MAML3: variants seen among roughly 807,000 people sequenced by gnomAD.
MAML3 encodes the protein mastermind like transcriptional coactivator 3, also known as mastermind-like protein 3.
Under a neutral mutation model 101.9 loss-of-function variants are expected in MAML3, and 27 were observed. The observed-to-expected ratio is 0.27, with a 90% CI of 0.20 to 0.37. MAML3 has a LOEUF of 0.37. MAML3 is among the 10% of genes least tolerant of loss of function. The probability of loss-of-function intolerance (pLI) is 1.00; values close to 1 mark genes in which losing one functional copy is unlikely to be tolerated. For missense variants in MAML3, 1,316 were observed against 1,444.9 expected (o/e 0.91, Z 1.45); for synonymous variants, 501 against 555.9 (o/e 0.90, Z 1.39).
At chr4:140,009,061 A>G (rs1726504967) in intron 1 of MAML3, among the ~76,000 whole-genome samples, 1 of 152,158 alleles carries the variant, frequency 6.6e-6, no homozygotes, top group Non-Finnish European at 1.5e-5. Flanking sequence ...CGTGACTTTG[A>G]GTTCTTAATA....
intron 2 of MAML3, among the ~76,000 whole-genome samples, chr4:139,873,502 T>C (rs1389554746): frequency 6.6e-6 from 1 of 152,200 alleles, no homozygotes; most frequent in Non-Finnish European, 1.5e-5. Flanking sequence ...TCTCCTGGAG[T>C]GTGGCTGGAC....
intron 2 of MAML3, among the ~76,000 whole-genome samples, chr4:139,786,719 C>T (rs1426429848): frequency 6.6e-6 from 1 of 152,168 alleles, no homozygotes; most frequent in East Asian, 1.9e-4. Context: ...GCTGTGTTCA[C>T]AGCAGGAAGC....
intron 2 of MAML3, among the ~76,000 whole-genome samples, chr4:139,762,710 A>AC (rs1729781294): frequency 6.6e-6 from 1 of 152,142 alleles, no homozygotes; most frequent in Non-Finnish European, 1.5e-5. Flanking sequence ...CCATCGCTAC[A>AC]CTCATGGCCA....
At chr4:140,145,422 A>C (rs1227859216) in intron 1 of MAML3, among the ~76,000 whole-genome samples, 1 of 152,230 alleles carries the variant, frequency 6.6e-6, no homozygotes, top group Non-Finnish European at 1.5e-5. Flanking sequence ...AGCATTTTAA[A>C]AGGTTCTACT....
intron 2 of MAML3, among the ~76,000 whole-genome samples, chr4:139,839,374 A>G (rs1030229550): frequency 3.3e-5 from 5 of 152,116 alleles, no homozygotes; most frequent in Non-Finnish European, 5.9e-5. Context: ...GCTAAGGATC[A>G]ATTGCTTTTG....
intron 2 of MAML3, among the ~76,000 whole-genome samples, chr4:139,745,254 G>T (rs893804351): frequency 6.6e-6 from 1 of 151,860 alleles, no homozygotes; most frequent in Admixed American, 6.6e-5. Context: ...GGACAGATCT[G>T]CATGCAGGCA....
intron 4 of MAML3, among the ~76,000 whole-genome samples, chr4:139,724,508 A>G (rs1404122423): frequency 2.0e-5 from 3 of 152,216 alleles, no homozygotes; most frequent in Admixed American, 6.5e-5. Context: ...GTTCAGGGAT[A>G]CTTGTGAAAT....
At chr4:140,116,692 C>A (rs1728523961) in intron 1 of MAML3, among the ~76,000 whole-genome samples, 1 of 152,152 alleles carries the variant, frequency 6.6e-6, no homozygotes, top group South Asian at 2.1e-4. Context: ...CCCTACAGGG[C>A]AGGAAGTGAA....
At chr4:139,771,875 A>G (rs1032466182) in intron 2 of MAML3, among the ~76,000 whole-genome samples, 1 of 151,536 alleles carries the variant, frequency 6.6e-6, no homozygotes, top group Admixed American at 6.6e-5. Context: ...CAGGTGATAC[A>G]CTGAAGTTTG....
chr4:140,061,737 C>T (rs1727450728), intron 1 of MAML3, among the ~76,000 whole-genome samples: 2 of 152,166 alleles, frequency 1.3e-5, no homozygotes, highest in Admixed American at 1.3e-4. Context: ...TAGTCCAAAG[C>T]TTGTTACTTA....
chr4:139,920,100 C>A (rs916168221), intron 1 of MAML3, among the ~76,000 whole-genome samples: 1 of 152,188 alleles, frequency 6.6e-6, no homozygotes, highest in Non-Finnish European at 1.5e-5. Context: ...ATGTTCATTA[C>A]AAGCACTGTT....
chr4:139,948,858 C>T (rs539676709), intron 1 of MAML3, among the ~76,000 whole-genome samples: 72 of 152,198 alleles, frequency 4.7e-4, no homozygotes, highest in African/African-American at 1.7e-3. Context: ...GTGAGAAAAC[C>T]GAGGCACAGG....
intron 1 of MAML3, among the ~76,000 whole-genome samples, chr4:139,925,070 T>A (rs1395226482): frequency 6.6e-6 from 1 of 152,046 alleles, no homozygotes; most frequent in Admixed American, 6.6e-5. Context: ...AAATGAGACC[T>A]TTAGAGCAAA....
At position 139,719,177 on chromosome 4, in the gene MAML3, C is replaced by G. The variant is rs766252588; in HGVS notation, c.*146G>C. On this transcript the variant is annotated 3_prime_UTR_variant, in exon 5 of 5. Coordinates refer to ENST00000509479, the MANE Select transcript of MAML3 (RefSeq NM_018717.5). ...GCCTGGTGGGGCTGTGGATTGGCAC[C>G]TGGATCTTCCATTGTCAGCCAGCTG... is the stretch of plus-strand genomic sequence containing the variant. 2.2e-5 allele frequency: 20 copies of G among 909,452 alleles called. No individual in the cohort carries two copies. Among genetic ancestry groups the G allele is most frequent in the African/African-American group, 3.4e-5 (2 of 59,434 alleles). 56.3% of individuals were successfully genotyped at this position (909,452 alleles called of 1,614,324 possible). A position where few individuals can be genotyped will look rare whatever the true frequency, so the allele number is the denominator to read the frequency against.
chr4:140,049,762 T>C (rs1268028332), intron 1 of MAML3, among the ~76,000 whole-genome samples: 1 of 152,042 alleles, frequency 6.6e-6, no homozygotes, highest in Non-Finnish European at 1.5e-5. Context: ...AGAGATAAGA[T>C]GCATCTAAAA....
chr4:140,013,039 ACAAGT>A (rs1726589104), intron 1 of MAML3, among the ~76,000 whole-genome samples: 1 of 152,236 alleles, frequency 6.6e-6, no homozygotes, highest in South Asian at 2.1e-4. Context: ...AAAATGAAAG[ACAAGT>A]CCAAATAGGT....
intron 4 of MAML3, among the ~76,000 whole-genome samples, chr4:139,724,686 A>C (rs1365209178): frequency 6.6e-6 from 1 of 151,390 alleles, no homozygotes; most frequent in Non-Finnish European, 1.5e-5. Flanking sequence ...CTGCTAGGTG[A>C]CCCCTGTAGC....
At chr4:139,879,776 AT>A (rs1732183556) in intron 2 of MAML3, among the ~76,000 whole-genome samples, 1 of 152,100 alleles carries the variant, frequency 6.6e-6, no homozygotes, top group Non-Finnish European at 1.5e-5. Context: ...AGGCCCATAA[AT>A]GTTTCAGAAC....
At chr4:140,014,267 TAGAGA>T (rs1289006960) in intron 1 of MAML3, among the ~76,000 whole-genome samples, 4 of 151,726 alleles carry the variant, frequency 2.6e-5, no homozygotes, top group African/African-American at 9.7e-5. Flanking sequence ...AACCAGAGAG[TAGAGA>T]AATTAAAATG....
Sources: gnomAD v4.1 joint callset for allele counts (sites outside exome capture counted in the v4.1 genomes callset) on GRCh38, gnomAD v4.1.1 for gene constraint, MANE v1.5 for transcripts, NCBI Gene and HGNC (gene_info 2026-07-23, HGNC 2026-07-21) for gene names.